The following CHI3L1 variants were observed in gnomAD, a reference collection of about 807,000 sequenced individuals.
CHI3L1 encodes chitinase 3 like 1, also known as chitinase-3-like protein 1.
In CHI3L1, 30 loss-of-function variants were observed where a neutral mutation model predicts 40.7. The observed-to-expected ratio is 0.74, with a 90% confidence interval of 0.55 to 1.00. CHI3L1 has a LOEUF of 1.00. Among genes scored for constraint, CHI3L1 ranks in the 50% least tolerant of loss-of-function variants. CHI3L1 has a pLI of 0.00. For missense variants in CHI3L1, 493 were observed against 492.2 expected (o/e 1.00, Z -0.01); for synonymous variants, 210 against 192.1 (o/e 1.09, Z -0.77).
intron 2 of CHI3L1, among the ~76,000 whole-genome samples, chr1:203,185,637 C>CT (rs1242935463): frequency 6.6e-6 from 1 of 152,196 alleles, no homozygotes; most frequent in Non-Finnish European, 1.5e-5. Flanking sequence ...GATGAATACG[C>CT]TACAGGCACT....
At chr1:203,182,369 T>C (rs1655954368) in intron 6 of CHI3L1, among the ~76,000 whole-genome samples, 1 of 152,226 alleles carries the variant, frequency 6.6e-6, no homozygotes, top group Non-Finnish European at 1.5e-5. Flanking sequence ...GTGTGGCCTC[T>C]CCAGGGCCCA....
chr1:203,179,650 G>T (rs772794137), intron 9 of CHI3L1, 65 bp from the exon 10 acceptor site: 3 of 1,613,866 alleles, frequency 1.9e-6, no homozygotes, highest in Non-Finnish European at 2.5e-6. Context: ...CAGGGCACAT[G>T]TGCTCTGTGA....
Position 203,182,752 on chromosome 1 carries a change from T to C in CHI3L1, c.566A>G (p.Tyr189Cys). 1.2e-6 allele frequency: 2 copies of C among 1,614,150 alleles called. No homozygotes were observed. The highest frequency in any genetic ancestry group is 1.7e-6 in the Non-Finnish European group (2 of 1,180,020). Residue 189 changes from tyrosine (Y) to cysteine (C), a missense_variant, in exon 6 of 10, where the codon TAT becomes TGT. By Grantham distance (194) the Tyr-to-Cys change is radical. Transcript: ENST00000255409. ...TCACTGGGATATCTTGGCAATGTCA[T>C]AGCTGCTGTCAATGGTGACCTTCCC... Reference protein sequence around the residue: ...SAGKVTIDSSYDIAKISQHLD... With the variant: ...SAGKVTIDSSCDIAKISQHLD...
chr1:203,179,330 G>T lies in CHI3L1; in HGVS notation c.*115C>A. On this transcript the variant is annotated 3_prime_UTR_variant, in exon 10 of 10. Transcript: ENST00000255409. ...GGACCTCTGCATAGGCCCCAAGGGA[G>T]GGAGACTGAGGCTCAGCCTGGGACT... 3 of 939,388 alleles carry T rather than the reference G, an allele frequency of 3.2e-6. No individual in the cohort carries two copies. The highest frequency in any genetic ancestry group is 4.9e-6 in the Non-Finnish European group (3 of 617,326). 58.2% of individuals were successfully genotyped at this position (939,388 alleles called of 1,614,324 possible). A position where few individuals can be genotyped will look rare whatever the true frequency, so the allele number is the denominator to read the frequency against.
At position 203,183,643 on chromosome 1, in the gene CHI3L1, T is replaced by C. The variant is rs777364135; in HGVS notation, c.463A>G (p.Lys155Glu). The part of the protein sequence containing the change: ...RDKQHFTTLI[K>E]EMKAEFIKEA... ...CCTGTCCCTGACCTGACCAGCACCT[T>C]GATTAGGGTGGTAAAATGCTGTTTG... The change falls in exon 5 of 10, where the codon AAG becomes GAG. Residue 155 changes from lysine (K) to glutamate (E), a missense_variant and splice_region_variant. Lys to Glu is a moderately conservative substitution (Grantham distance 56). Transcript: ENST00000255409. 18 of 1,614,010 alleles carry C rather than the reference T, an allele frequency of 1.1e-5. No individual in the cohort carries two copies. In the South Asian group the frequency reaches 2.0e-4, roughly 18 times the overall value.
At chr1:203,183,429 C>G (rs1476720841) in intron 5 of CHI3L1, among the ~76,000 whole-genome samples, 1 of 152,176 alleles carries the variant, frequency 6.6e-6, no homozygotes, top group African/African-American at 2.4e-5. Flanking sequence ...AACCTTCCAC[C>G]TCTTAGAACC....
In CHI3L1 at chr1:203,183,753, G is replaced by A. The variant is rs1188388288; in HGVS notation, c.353C>T (p.Thr118Ile). 1.2e-6 allele frequency: 2 copies of A among 1,614,072 alleles called. No individual in the cohort carries two copies. The highest frequency in any genetic ancestry group is 1.1e-5 in the South Asian group (1 of 91,092). ...AAATGGCGGTACTGACTTGATGAAA[G>A]TCCGGCGACTCTGGGTGTTGGAGGC... The part of the protein sequence containing the change: ...KIASNTQSRR[T>I]FIKSVPPFLR... Residue 118 changes from threonine to isoleucine, a missense_variant, in exon 5 of 10, where the codon ACT becomes ATT. By Grantham distance (89) the Thr-to-Ile change is moderately conservative. Coordinates refer to ENST00000255409, the MANE Select transcript of CHI3L1 (RefSeq NM_001276.4).
At chr1:203,183,344 C>A (rs1426755310) in intron 5 of CHI3L1, among the ~76,000 whole-genome samples, 1 of 152,146 alleles carries the variant, frequency 6.6e-6, no homozygotes, top group Non-Finnish European at 1.5e-5. Flanking sequence ...TGGGTGGCAT[C>A]AGTATGGGAT....
chr1:203,181,162 A>G lies in CHI3L1; in HGVS notation c.711T>C (p.Thr237=). 4.3e-6 allele frequency: 7 copies of G among 1,613,634 alleles called. No individual in the cohort carries two copies. Among genetic ancestry groups the G allele is most frequent in the Non-Finnish European group, 5.9e-6 (7 of 1,179,716 alleles). ...GCCCTCCCTCCTTCTGGGAACTCAC[A>G]GTGTTGCTGAATCTGTCAGGACTTG... ...EDASPDRFSN[T]DYAVGYMLRL... Residue 237 remains threonine, a splice_region_variant and synonymous_variant, in exon 7 of 10, where the codon ACT becomes ACC. Coordinates refer to ENST00000255409, the MANE Select transcript of CHI3L1 (RefSeq NM_001276.4).
Position 203,179,866 on chromosome 1 carries a change from G to A in CHI3L1, c.906C>T (p.Phe302=), listed in dbSNP as rs372170408. ...GTLAYYEICD[F]LRGATVHRIL... ...TTCTATGGACTGTGGCTCCGCGGAG[G>A]AAGTCACAGATCTGAGCAGATAACA... Residue 302 remains phenylalanine (F), a synonymous_variant, in exon 9 of 10, where the codon TTC becomes TTT. Coordinates refer to ENST00000255409, the MANE Select transcript of CHI3L1 (RefSeq NM_001276.4). 6.2e-7 allele frequency: 1 copy of A among 1,614,108 alleles called. No homozygotes were observed. Among genetic ancestry groups the A allele is most frequent in the Non-Finnish European group, 8.5e-7 (1 of 1,179,974 alleles).
In CHI3L1 at chr1:203,182,947, C is replaced by T. The variant is rs181183976; in HGVS notation, c.466-95G>A. Reference sequence around the variant, plus strand: ...ACTAGGTCTCTGCGCAACCCATTTGCTGTACTCCCCAACCTGCCTGGGGCC... The same window carrying T: ...ACTAGGTCTCTGCGCAACCCATTTGTTGTACTCCCCAACCTGCCTGGGGCC... On this transcript the variant is annotated intron_variant, in intron 5 of 9. Transcript: ENST00000255409. 2.8e-4 allele frequency: 367 copies of T among 1,322,876 alleles called. 2 individuals carry two copies. The highest frequency in any genetic ancestry group is 1.5e-4 in the East Asian group (6 of 40,436). 81.9% of individuals were successfully genotyped at this position (1,322,876 alleles called of 1,614,324 possible).
chr1:203,183,022 C>T (rs554750663), intron 5 of CHI3L1, among the ~76,000 whole-genome samples, 170 bp from the exon 6 acceptor site: 1 of 152,258 alleles, frequency 6.6e-6, no homozygotes, highest in South Asian at 2.1e-4. Flanking sequence ...TCAAGTCACC[C>T]ATCCTTTTCC....
At chr1:203,184,968 CAG>C (rs1474041582) in intron 3 of CHI3L1, among the ~76,000 whole-genome samples, 1 of 152,118 alleles carries the variant, frequency 6.6e-6, no homozygotes, top group Non-Finnish European at 1.5e-5. Flanking sequence ...TCCCCTCTCC[CAG>C]AGGGGCTCAG....
In CHI3L1 at chr1:203,184,627, G is replaced by T; in HGVS notation, c.263C>A (p.Pro88His). 1 of 1,613,942 alleles carries T rather than the reference G, an allele frequency of 6.2e-7. No individual in the cohort carries two copies. The highest frequency in any genetic ancestry group is 8.5e-7 in the Non-Finnish European group (1 of 1,179,866). Reference protein sequence around the residue: ...GMLNTLKNRNPNLKTLLSVGG... With the variant: ...GMLNTLKNRNHNLKTLLSVGG... ...GACAGACAAGAGAGTCTTCAGGTTGGGGTTCCTGTGGAGCACAGGGAGGTG... is the reference window on the plus strand; with the variant it reads ...GACAGACAAGAGAGTCTTCAGGTTGTGGTTCCTGTGGAGCACAGGGAGGTG... Residue 88 changes from proline (P) to histidine (H), a missense_variant, in exon 4 of 10, where the codon CCC becomes CAC. Physicochemically the swap from Pro to His is moderately conservative, Grantham distance 77. Transcript: ENST00000255409.
chr1:203,179,297 T>G lies in CHI3L1; in HGVS notation c.*148A>C. 12 of 655,176 alleles carry G rather than the reference T, an allele frequency of 1.8e-5. No homozygotes were observed. Among genetic ancestry groups the G allele is most frequent in the Non-Finnish European group, 2.6e-5 (10 of 387,898 alleles). The allele number at this position is 655,176 out of a possible 1,614,324, so 40.6% of individuals were successfully genotyped here. On this transcript the variant is annotated 3_prime_UTR_variant, in exon 10 of 10. Coordinates refer to ENST00000255409, the MANE Select transcript of CHI3L1 (RefSeq NM_001276.4). ...CCCACCAGGGCTGAGCTCAAATCTG[T>G]GTGTTGTGGACCTCTGCATAGGCCC... is the stretch of plus-strand genomic sequence containing the variant.
Position 203,180,669 on chromosome 1 carries a change from G to A in CHI3L1, c.712-17C>T. Reference sequence around the variant, plus strand: ...AGCATAGTCCTGGGTGGGGTAGGGTGGGAACAACGTGAGCAGTTAGTGCAC... The same window carrying A: ...AGCATAGTCCTGGGTGGGGTAGGGTAGGAACAACGTGAGCAGTTAGTGCAC... On this transcript the variant is annotated splice_polypyrimidine_tract_variant and intron_variant, in intron 7 of 9. Transcript: ENST00000255409. 1.3e-6 allele frequency: 2 copies of A among 1,517,134 alleles called. No individual in the cohort carries two copies. The highest frequency in any genetic ancestry group is 1.8e-6 in the Non-Finnish European group (2 of 1,109,860). The allele number at this position is 1,517,134 out of a possible 1,614,324, so 94.0% of individuals were successfully genotyped here. A position where few individuals can be genotyped will look rare whatever the true frequency, so the allele number is the denominator to read the frequency against.
In CHI3L1 at chr1:203,178,946, G is replaced by A. The variant is rs1361623751; in HGVS notation, c.*499C>T. The A allele has an allele frequency of 1.3e-5, 2 of 154,302 alleles. No individual in the cohort carries two copies. Among genetic ancestry groups the A allele is most frequent in the Non-Finnish European group, 2.9e-5 (2 of 69,518 alleles). The allele number at this position is 154,302 out of a possible 1,614,324, so 9.6% of individuals were successfully genotyped here. A position where few individuals can be genotyped will look rare whatever the true frequency, so the allele number is the denominator to read the frequency against. On this transcript the variant is annotated 3_prime_UTR_variant, in exon 10 of 10. Coordinates refer to ENST00000255409, the MANE Select transcript of CHI3L1 (RefSeq NM_001276.4). ...AGCGCCAACACACTGTTAAGCTCTT[G>A]TACTTTATTGAGCAGCTGTGGAATT... is the stretch of plus-strand genomic sequence containing the variant.
At position 203,179,742 on chromosome 1, in the gene CHI3L1, T is replaced by C. The variant is rs1655891788; in HGVS notation, c.1011+19A>G. The stretch of plus-strand genomic sequence containing the variant: ...CCTTCTTTCTCTTTGTCCTGAGGTG[T>C]GGCCTTGGGGAAACCTACCTTGCTT... On this transcript the variant is annotated intron_variant, in intron 9 of 9. Transcript: ENST00000255409. 1.2e-6 allele frequency: 2 copies of C among 1,614,068 alleles called. No individual in the cohort carries two copies. The highest frequency in any genetic ancestry group is 2.7e-5 in the African/African-American group (2 of 74,920).
chr1:203,186,100 T>G (rs1656049565), intron 2 of CHI3L1, among the ~76,000 whole-genome samples: 1 of 152,202 alleles, frequency 6.6e-6, no homozygotes, highest in Non-Finnish European at 1.5e-5. Context: ...TTTTAAAGTT[T>G]CTTATTTTGA....
Sources: gnomAD v4.1 joint callset for allele counts (sites outside exome capture counted in the v4.1 genomes callset) on GRCh38, gnomAD v4.1.1 for gene constraint, MANE v1.5 for transcripts, NCBI Gene and HGNC (gene_info 2026-07-23, HGNC 2026-07-21) for gene names.